The following AKT3 variants were observed in gnomAD, a reference collection of about 807,000 sequenced individuals.
AKT3 encodes AKT serine/threonine kinase 3, also known as RAC-gamma serine/threonine-protein kinase.
AKT3 carries 15 observed loss-of-function variants against 65.3 expected under a neutral mutation model. That is an observed-to-expected ratio of 0.23 (90% CI 0.15 to 0.35). AKT3 has a LOEUF of 0.35. Ranked by LOEUF, AKT3 falls within the 10% of genes least tolerant of loss-of-function variation. The pLI, the probability that AKT3 is intolerant of heterozygous loss-of-function variation, is 1.00. For synonymous variants in AKT3, 206 were observed against 183.8 expected (o/e 1.12, Z -0.98); for missense variants, 243 against 576.5 (o/e 0.42, Z 5.92).
At chr1:243,760,264 A>G (rs914128318) in intron 2 of AKT3, among the ~76,000 whole-genome samples, 3 of 138,116 alleles carry the variant, frequency 2.2e-5, no homozygotes, top group African/African-American at 8.0e-5. Context: ...GACTACAGGC[A>G]TGTACCTCTA....
At chr1:243,750,880 C>T (rs1325754388) in intron 2 of AKT3, among the ~76,000 whole-genome samples, 1 of 151,834 alleles carries the variant, frequency 6.6e-6, no homozygotes, top group Non-Finnish European at 1.5e-5. Flanking sequence ...CCACACCTAG[C>T]CAATTAAGGC....
intron 2 of AKT3, among the ~76,000 whole-genome samples, chr1:243,769,220 T>G (rs559037324): frequency 6.6e-6 from 1 of 152,202 alleles, no homozygotes; most frequent in Non-Finnish European, 1.5e-5. Context: ...CACTCTACAG[T>G]TGATTGGACA....
At chr1:243,708,364 T>C (rs1005161802) in intron 2 of AKT3, among the ~76,000 whole-genome samples, 32 of 152,004 alleles carry the variant, frequency 2.1e-4, no homozygotes, top group African/African-American at 7.0e-4. Flanking sequence ...TGCTTCTCAA[T>C]GTTAAAAATG....
chr1:243,583,166 G>GTATATATA (rs1479928964), intron 8 of AKT3, among the ~76,000 whole-genome samples: 8 of 85,804 alleles, frequency 9.3e-5, no homozygotes, highest in African/African-American at 3.3e-4. Flanking sequence ...ATGTATATGT[G>GTATATATA]TGTGTATATA....
chr1:243,678,934 C>T (rs1370750732), intron 3 of AKT3, among the ~76,000 whole-genome samples: 1 of 152,018 alleles, frequency 6.6e-6, no homozygotes, highest in Non-Finnish European at 1.5e-5. Flanking sequence ...ATGTGCCTAT[C>T]TCTCCTGCCT....
chr1:243,547,779 A>G (rs1672775625), intron 11 of AKT3, among the ~76,000 whole-genome samples: 1 of 152,232 alleles, frequency 6.6e-6, no homozygotes, highest in African/African-American at 2.4e-5. Context: ...TTAAAATGGA[A>G]AACAGTCAAC....
At chr1:243,849,762 C>G (rs918318993) in intron 1 of AKT3, among the ~76,000 whole-genome samples, 1 of 151,710 alleles carries the variant, frequency 6.6e-6, no homozygotes, top group African/African-American at 2.4e-5. Flanking sequence ...CCCCGGCCCG[C>G]TGCGCACCGC....
intron 2 of AKT3, among the ~76,000 whole-genome samples, chr1:243,835,916 A>C (rs1231167374): frequency 1.3e-5 from 2 of 152,178 alleles, no homozygotes; most frequent in Non-Finnish European, 2.9e-5. Flanking sequence ...TAAGACACAT[A>C]AATAACAAGC....
rs572054039 is a variant in AKT3 at position 243,502,669 on chromosome 1, G to A, written c.*2580C>T. The A allele has an allele frequency of 8.6e-6, 2 of 233,162 alleles. No homozygotes were observed. Among genetic ancestry groups the A allele is most frequent in the Non-Finnish European group, 1.7e-5 (2 of 118,054 alleles). 14.4% of individuals were successfully genotyped at this position (233,162 alleles called of 1,614,324 possible). On this transcript the variant is annotated 3_prime_UTR_variant, in exon 14 of 14. Transcript: ENST00000673466. The stretch of plus-strand genomic sequence containing the variant: ...TCCATGGCAGCTGACAGATCTGGAA[G>A]TGAAAATAGGGGATTCTCAAAATCA...
intron 2 of AKT3, among the ~76,000 whole-genome samples, chr1:243,770,733 A>AG (rs1225791238): frequency 2.0e-5 from 2 of 99,408 alleles, no homozygotes; most frequent in Non-Finnish European, 5.2e-5. Context: ...TATTCTAAAT[A>AG]GAAAAAAAAA....
At chr1:243,601,820 T>A (rs965996537) in intron 8 of AKT3, among the ~76,000 whole-genome samples, 4 of 152,200 alleles carry the variant, frequency 2.6e-5, no homozygotes, top group African/African-American at 4.8e-5. Flanking sequence ...AGCCTGTAAG[T>A]ATGTTTTCAG....
chr1:243,673,949 T>C (rs1184102184), intron 3 of AKT3, among the ~76,000 whole-genome samples: 3 of 152,186 alleles, frequency 2.0e-5, no homozygotes, highest in Non-Finnish European at 2.9e-5. Context: ...TGAAACATGA[T>C]GAAACTGGGA....
intron 11 of AKT3, among the ~76,000 whole-genome samples, chr1:243,550,102 G>A (rs1278657164): frequency 1.3e-5 from 2 of 152,098 alleles, no homozygotes; most frequent in Non-Finnish European, 2.9e-5. Context: ...CAATCCCCTA[G>A]ACAAAGCCAA....
At chr1:243,814,438 A>G (rs762141944) in intron 2 of AKT3, 8 of 152,188 alleles carry the variant, frequency 5.3e-5, no homozygotes, top group Non-Finnish European at 1.2e-4. Context: ...ATTCTTCCTC[A>G]TTCTACATAT....
intron 9 of AKT3, among the ~76,000 whole-genome samples, chr1:243,565,638 T>C (rs551492572): frequency 3.3e-5 from 5 of 152,336 alleles, no homozygotes; most frequent in African/African-American, 7.2e-5. Context: ...AAGTCTTGTA[T>C]ATTGAAACCA....
chr1:243,702,109 C>CAAAAAAA, intron 2 of AKT3, among the ~76,000 whole-genome samples: 1 of 124,584 alleles, frequency 8.0e-6, no homozygotes, highest in Non-Finnish European at 1.7e-5. Context: ...AGAATTTATG[C>CAAAAAAA]AAAAAAAAAA....
chr1:243,527,512 C>G (rs1021969539), intron 12 of AKT3, among the ~76,000 whole-genome samples: 1 of 151,800 alleles, frequency 6.6e-6, no homozygotes, highest in African/African-American at 2.4e-5. Context: ...TTTTTTCTTT[C>G]GAGGAACAAG....
chr1:243,820,444 C>A (rs192517024), intron 2 of AKT3, among the ~76,000 whole-genome samples: 3 of 152,276 alleles, frequency 2.0e-5, no homozygotes, highest in Non-Finnish European at 1.5e-5. Context: ...CTCAACTAGA[C>A]GAACGCTTAG....
At chr1:243,563,584 G>C in intron 10 of AKT3, 136 bp downstream of exon 10, 1 of 1,074,524 alleles carries the variant, frequency 9.3e-7, no homozygotes, top group South Asian at 2.1e-5. Flanking sequence ...AACAAATTAA[G>C]AGCCAAAAAA....
Sources: gnomAD v4.1 joint callset for allele counts (sites outside exome capture counted in the v4.1 genomes callset) on GRCh38, gnomAD v4.1.1 for gene constraint, MANE v1.5 for transcripts, NCBI Gene and HGNC (gene_info 2026-07-23, HGNC 2026-07-21) for gene names.